The following TRAPPC9 variants were observed in gnomAD, a reference collection of about 807,000 sequenced individuals.
The protein encoded by TRAPPC9 is trafficking protein particle complex subunit 9, also known as IKK2 binding protein.
TRAPPC9 carries 83 observed loss-of-function variants against 124.0 expected under a neutral mutation model. That is an observed-to-expected ratio of 0.67 (90% CI 0.56 to 0.80). The LOEUF is 0.80. TRAPPC9 is among the 30% of genes least tolerant of loss of function. TRAPPC9 has a pLI of 0.00. For missense variants in TRAPPC9, 1,302 were observed against 1,508.3 expected, an observed-to-expected ratio of 0.86 and a Z score of 2.27; for synonymous variants, 638 against 617.5, an observed-to-expected ratio of 1.03 and a Z score of -0.49.
In TRAPPC9 at chr8:139,729,780, C is replaced by A. The variant is rs370803995; in HGVS notation, c.*1281G>T. Among the ~76,000 whole-genome samples, 1 of 152,184 alleles carries A rather than the reference C, an allele frequency of 6.6e-6. No homozygotes were observed. Among genetic ancestry groups the A allele is most frequent in the African/African-American group, 2.4e-5 (1 of 41,458 alleles). The stretch of plus-strand genomic sequence containing the variant: ...GACTCTGCCCCATGGGAGGCCAGGG[C>A]AGCCACTTCCTGGCTCTGCCTGTTT... On this transcript the variant is annotated 3_prime_UTR_variant, in exon 23 of 23. Transcript: ENST00000438773.
intron 9 of TRAPPC9, among the ~76,000 whole-genome samples, chr8:140,336,272 A>G (rs763626819): frequency 7.2e-5 from 11 of 152,148 alleles, no homozygotes; most frequent in Non-Finnish European, 1.2e-4. Context: ...AGTTACAACA[A>G]CAAAAGATTT....
intron 16 of TRAPPC9, among the ~76,000 whole-genome samples, chr8:140,225,437 G>A (rs561540509): frequency 2.0e-4 from 30 of 152,316 alleles, no homozygotes; most frequent in African/African-American, 5.8e-4. Context: ...AGATATGTGC[G>A]AAGACTTATT....
chr8:139,735,820 T>C (rs1818126045), intron 21 of TRAPPC9, among the ~76,000 whole-genome samples: 1 of 152,162 alleles, frequency 6.6e-6, no homozygotes, highest in Non-Finnish European at 1.5e-5. Flanking sequence ...AGAAAGCTGA[T>C]GAAGGCTTGG....
At chr8:140,106,265 G>A (rs190956552) in intron 17 of TRAPPC9, among the ~76,000 whole-genome samples, 26 of 152,282 alleles carry the variant, frequency 1.7e-4, no homozygotes, top group Admixed American at 1.6e-3. Flanking sequence ...CACCAGGTTC[G>A]CATTTTTGTG....
At chr8:140,411,897 C>T (rs7841646) in intron 5 of TRAPPC9, among the ~76,000 whole-genome samples, 4,890 of 152,106 alleles carry the variant, frequency 0.032, 263 homozygotes, top group African/African-American at 0.11. Flanking sequence ...TAGTAAAATG[C>T]GAATAAACAC....
intron 13 of TRAPPC9, among the ~76,000 whole-genome samples, chr8:140,286,134 G>A (rs560045689): frequency 6.6e-6 from 1 of 152,228 alleles, no homozygotes; most frequent in Non-Finnish European, 1.5e-5. Context: ...TGAGGACTGA[G>A]GGAAGCCCAG....
chr8:139,923,312 C>T (rs1359244600), intron 19 of TRAPPC9, among the ~76,000 whole-genome samples: 5 of 152,230 alleles, frequency 3.3e-5, no homozygotes, highest in Non-Finnish European at 7.3e-5. Flanking sequence ...AGGATGCCTG[C>T]CTCAGTGTGA....
At chr8:140,224,513 T>C (rs2063403308) in intron 16 of TRAPPC9, among the ~76,000 whole-genome samples, 1 of 151,874 alleles carries the variant, frequency 6.6e-6, no homozygotes, top group African/African-American at 2.4e-5. Context: ...CCATGGAGAG[T>C]GGATAGCAAA....
At chr8:140,287,317 A>G (rs905148918) in intron 13 of TRAPPC9, among the ~76,000 whole-genome samples, 12 of 152,074 alleles carry the variant, frequency 7.9e-5, no homozygotes, top group African/African-American at 2.9e-4. Context: ...TTCCAGCAAG[A>G]AGGAGCAGGA....
chr8:140,343,503 G>A (rs189648920), intron 9 of TRAPPC9, among the ~76,000 whole-genome samples: 1 of 152,212 alleles, frequency 6.6e-6, no homozygotes, highest in African/African-American at 2.4e-5. Flanking sequence ...GCGAAAGGAC[G>A]CAGAATTCCT....
chr8:140,436,374 A>C (rs1452803400), intron 3 of TRAPPC9, among the ~76,000 whole-genome samples: 1 of 152,202 alleles, frequency 6.6e-6, no homozygotes, highest in Non-Finnish European at 1.5e-5. Context: ...TAAAATAATA[A>C]GCTTGTCATG....
chr8:140,233,228 G>A (rs1273248334), intron 16 of TRAPPC9, among the ~76,000 whole-genome samples: 4 of 150,782 alleles, frequency 2.7e-5, no homozygotes, highest in East Asian at 3.9e-4. Context: ...TTTTTGAGAC[G>A]GAGTCTCACT....
At chr8:140,431,022 G>A (rs2132577958) in intron 4 of TRAPPC9, among the ~76,000 whole-genome samples, 1 of 152,236 alleles carries the variant, frequency 6.6e-6, no homozygotes, top group African/African-American at 2.4e-5. Context: ...GGTTGTTGAA[G>A]AAAACAGGGG....
intron 17 of TRAPPC9, among the ~76,000 whole-genome samples, chr8:140,038,392 A>C (rs952240069): frequency 6.6e-6 from 1 of 152,226 alleles, no homozygotes; most frequent in Non-Finnish European, 1.5e-5. Flanking sequence ...AGTCAGGACG[A>C]TGAGAAGGAC....
At chr8:139,882,541 A>C (rs937778644) in intron 21 of TRAPPC9, among the ~76,000 whole-genome samples, 1 of 152,172 alleles carries the variant, frequency 6.6e-6, no homozygotes, top group Non-Finnish European at 1.5e-5. Context: ...AACGTCAATG[A>C]AATGTCACCT....
rs1005187760 is a variant in TRAPPC9, at chr8:139,737,351, C to T, written c.3056-5149G>A. On this transcript the variant is annotated intron_variant, in intron 21 of 22. Transcript: ENST00000438773. Reference sequence around the variant, plus strand: ...AGTTCTGTGACCGCAGCAGCCCGGCCGGCTGGTCCCCAGGAGGTGGGCAGG... The same window carrying T: ...AGTTCTGTGACCGCAGCAGCCCGGCTGGCTGGTCCCCAGGAGGTGGGCAGG... 2.0e-5 allele frequency among the ~76,000 whole-genome samples: 3 copies of T among 151,908 alleles called. No individual in the cohort carries two copies. The East Asian group carries it at 5.8e-4, about 30-fold the overall frequency.
rs181097365 is a variant in TRAPPC9 at position 139,919,949 on chromosome 8, T to A, written c.2811-9649A>T. 3.5e-3 allele frequency among the ~76,000 whole-genome samples: 526 copies of A among 152,356 alleles called. 3 individuals are homozygous for A. The highest frequency in any genetic ancestry group is 2.7e-3 in the Non-Finnish European group (185 of 68,034). On this transcript the variant is annotated intron_variant, in intron 19 of 22. Coordinates refer to ENST00000438773, the MANE Select transcript of TRAPPC9 (RefSeq NM_001160372.4). Reference sequence around the variant, plus strand: ...CCTAGTGCTGGAACCATTTCAACACTCTTCCAGATTTGTTCTGTCTGTAAC... The same window carrying A: ...CCTAGTGCTGGAACCATTTCAACACACTTCCAGATTTGTTCTGTCTGTAAC...
At chr8:139,804,074 C>CCAAG (rs1823765913) in intron 21 of TRAPPC9, among the ~76,000 whole-genome samples, 1 of 146,786 alleles carries the variant, frequency 6.8e-6, no homozygotes. Flanking sequence ...ACCGCCGCCA[C>CCAAG]CACCACGACG....
intron 18 of TRAPPC9, chr8:140,008,342 T>C (rs1469156762): frequency 1.3e-5 from 2 of 148,370 alleles, no homozygotes; most frequent in East Asian, 4.1e-4. Flanking sequence ...GCAGCATCTC[T>C]TCTTCGGTCT....
Sources: gnomAD v4.1 joint callset for allele counts (sites outside exome capture counted in the v4.1 genomes callset) on GRCh38, gnomAD v4.1.1 for gene constraint, MANE v1.5 for transcripts, NCBI Gene and HGNC (gene_info 2026-07-23, HGNC 2026-07-21) for gene names.